The following CCNH variants were observed in gnomAD, a reference collection of about 807,000 sequenced individuals.
CCNH encodes the protein cyclin H.
A neutral mutation model predicts 41.9 loss-of-function variants in CCNH; 31 were observed. The ratio of observed to expected loss-of-function variants is 0.74; its 90% CI spans 0.56 to 1.00. The LOEUF is 1.00. Among genes scored for constraint, CCNH ranks in the 50% least tolerant of loss-of-function variants. The pLI is 0.00. For synonymous variants in CCNH, 138 were observed against 136.1 expected, an observed-to-expected ratio of 1.01 and a Z score of -0.10; for missense variants, 362 against 388.4, an observed-to-expected ratio of 0.93 and a Z score of 0.57.
intron 9 of CCNH, among the ~76,000 whole-genome samples, chr5:87,358,310 A>C (rs889263553): frequency 2.6e-5 from 4 of 152,176 alleles, no homozygotes; most frequent in African/African-American, 9.6e-5. Context: ...ACTATATTTT[A>C]AGCACTGTTT....
chr5:87,319,927 A>G (rs1756660577), intron 9 of CCNH, among the ~76,000 whole-genome samples: 1 of 152,194 alleles, frequency 6.6e-6, no homozygotes, highest in Non-Finnish European at 1.5e-5. Flanking sequence ...CCGTCTCTTC[A>G]TACATATGAG....
At chr5:87,350,219 T>TA (rs1164423422) in intron 9 of CCNH, among the ~76,000 whole-genome samples, 1 of 151,830 alleles carries the variant, frequency 6.6e-6, no homozygotes, top group Non-Finnish European at 1.5e-5. Flanking sequence ...AGTTGACTGT[T>TA]AAAAGACATC....
upstream of CCNH, among the ~76,000 whole-genome samples, chr5:87,378,109 T>C (rs1761446843): frequency 6.6e-6 from 1 of 152,220 alleles, no homozygotes; most frequent in Non-Finnish European, 1.5e-5. Flanking sequence ...AGCTGTCTAA[T>C]TGATCTTAAG....
At chr5:87,372,082 G>C, downstream of CCNH, 1 of 1,570,992 alleles carries the variant, frequency 6.4e-7, no homozygotes, top group South Asian at 1.1e-5. Context: ...AAATAAACTA[G>C]TGTATATTTC....
intron 9 of CCNH, chr5:87,366,316 C>T (rs1222788298): frequency 2.7e-6 from 1 of 375,966 alleles, no homozygotes; most frequent in Non-Finnish European, 5.5e-6. Context: ...TGAAGAAAAG[C>T]TTTAGCATTA....
intron 9 of CCNH, chr5:87,331,479 T>A: frequency 6.2e-7 from 1 of 1,613,876 alleles, no homozygotes; most frequent in Non-Finnish European, 8.5e-7. Context: ...CTTAGCCAGA[T>A]GAATGTTGTC....
chr5:87,340,328 C>T (rs888618570), intron 9 of CCNH, among the ~76,000 whole-genome samples: 1 of 152,062 alleles, frequency 6.6e-6, no homozygotes, highest in Admixed American at 6.6e-5. Flanking sequence ...TTCTGTTACA[C>T]TGTCTAAAAT....
intron 9 of CCNH, among the ~76,000 whole-genome samples, chr5:87,337,127 A>G (rs1463554346): frequency 2.6e-5 from 4 of 152,106 alleles, no homozygotes. Context: ...GGTACCATCC[A>G]ACAAATCTGG....
intron 9 of CCNH, among the ~76,000 whole-genome samples, chr5:87,351,045 G>A (rs1413414235): frequency 1.3e-5 from 2 of 151,498 alleles, no homozygotes; most frequent in Non-Finnish European, 3.0e-5. Context: ...CAATAAATCT[G>A]TCGAACACAG....
At chr5:87,358,528 GACCACCACCA>G (rs1297677304) in intron 9 of CCNH, among the ~76,000 whole-genome samples, 1 of 152,092 alleles carries the variant, frequency 6.6e-6, no homozygotes, top group Non-Finnish European at 1.5e-5. Flanking sequence ...TCTAGAATAT[GACCACCACCA>G]GAATCTGCCT....
At chr5:87,332,483 C>T (rs760074054) in intron 9 of CCNH, 1 of 1,588,086 alleles carries the variant, frequency 6.3e-7, no homozygotes, top group Non-Finnish European at 8.6e-7. Flanking sequence ...TTTTTTTATA[C>T]TGTATTTTTT....
chr5:87,313,081 T>TC, the CCNH span, among the ~76,000 whole-genome samples: 2 of 152,194 alleles, frequency 1.3e-5, no homozygotes, highest in Non-Finnish European at 2.9e-5. Flanking sequence ...TCTTTGAGTG[T>TC]CAACAAGTTG....
intron 9 of CCNH, among the ~76,000 whole-genome samples, chr5:87,342,292 G>C (rs1282672472): frequency 2.0e-5 from 3 of 151,656 alleles, no homozygotes; most frequent in African/African-American, 7.3e-5. Flanking sequence ...CTGAGTAGCT[G>C]GGACCACCGG....
At chr5:87,369,898 G>A (rs759557201) in intron 9 of CCNH, 1 of 1,602,698 alleles carries the variant, frequency 6.2e-7, no homozygotes, top group Non-Finnish European at 8.5e-7. Context: ...AGAACAAGCA[G>A]AGGTAAGATT....
chr5:87,409,062 A>C (rs1320308673), intron 3 of CCNH: 1 of 321,798 alleles, frequency 3.1e-6, no homozygotes, highest in African/African-American at 2.1e-5. Flanking sequence ...CAAAATTTGA[A>C]TCTGGACAAG....
intron 4 of CCNH, 88 bp from the exon 5 acceptor site, chr5:87,405,095 A>G: frequency 1.1e-6 from 1 of 880,646 alleles, no homozygotes; most frequent in Non-Finnish European, 1.8e-6. Context: ...TCCTATTAAG[A>G]AATATATGCT....
chr5:87,382,020 C>T (rs766502993), upstream of CCNH, among the ~76,000 whole-genome samples: 6 of 152,080 alleles, frequency 3.9e-5, no homozygotes, highest in African/African-American at 9.7e-5. Flanking sequence ...GGTGTGATTT[C>T]GGCTTACTGC....
intron 9 of CCNH, chr5:87,349,165 T>C (rs1759078440): frequency 6.3e-7 from 1 of 1,594,002 alleles, no homozygotes; most frequent in East Asian, 2.2e-5. Context: ...TAACATCTTT[T>C]CTTTTTTATT....
chr5:87,394,437 T>C lies in CCNH; in HGVS notation c.*9A>G, dbSNP rs758194753. 1.2e-6 allele frequency: 2 copies of C among 1,612,254 alleles called. No homozygotes were observed. Among genetic ancestry groups the C allele is most frequent in the Non-Finnish European group, 1.7e-6 (2 of 1,178,822 alleles). Reference sequence around the variant, plus strand: ...GATTAGTTAGCATTGAGAAATCAACTTCAAATGGTTAGAGAGATTCTACCA... The same window carrying C: ...GATTAGTTAGCATTGAGAAATCAACCTCAAATGGTTAGAGAGATTCTACCA... On this transcript the variant is annotated 3_prime_UTR_variant, in exon 9 of 9. Transcript: ENST00000256897.
Sources: allele counts gnomAD v4.1 joint callset (sites outside exome capture counted in the v4.1 genomes callset), GRCh38; gene constraint gnomAD v4.1.1; transcripts MANE v1.5; gene names NCBI Gene and HGNC (gene_info 2026-07-23, HGNC 2026-07-21).